The following EME2 variants were observed in gnomAD, a reference collection of about 807,000 sequenced individuals.
EME2 encodes essential meiotic structure-specific endonuclease subunit 2.
A neutral mutation model predicts 41.9 loss-of-function variants in EME2; 58 were observed. The ratio of observed to expected loss-of-function variants is 1.38; its 90% CI spans 1.12 to 1.72. EME2 has a LOEUF of 1.72. EME2 is among the 40% of genes most tolerant of loss of function. The probability of loss-of-function intolerance (pLI) is 0.00; values close to 1 mark genes in which losing one functional copy is unlikely to be tolerated. For missense variants in EME2, 695 were observed against 541.9 expected, an observed-to-expected ratio of 1.28 and a Z score of -2.81; for synonymous variants, 334 against 239.3, an observed-to-expected ratio of 1.40 and a Z score of -3.65.
In EME2 at chr16:1,780,882, GCCA is replaced by G; in HGVS notation, c.*4649_*4651del. ...TGAGTCGTTGGGACTACAGGCACGT[GCCA>G]CCACGCCTGACACATTTTTTAAATT... On this transcript the variant is annotated 3_prime_UTR_variant, in exon 8 of 8. Coordinates refer to ENST00000568449, the MANE Select transcript of EME2 (RefSeq NM_001257370.2). 1 of 329,878 alleles carries G rather than the reference GCCA, an allele frequency of 3.0e-6. No homozygotes were observed. The highest frequency in any genetic ancestry group is 2.4e-5 in the South Asian group (1 of 41,634). The allele number at this position is 329,878 out of a possible 1,614,324, so 20.4% of individuals were successfully genotyped here.
rs2042693742 is a variant in EME2, at chr16:1,775,305, C to T, written c.570-10C>T. On this transcript the variant is annotated splice_polypyrimidine_tract_variant and intron_variant, in intron 4 of 7. Transcript: ENST00000568449. The stretch of plus-strand genomic sequence containing the variant: ...ATGGGGAGCGGGGAGGAATGGTCAC[C>T]TCTGCTCAGGTCTCGCCAGCACGTT... The T allele has an allele frequency of 6.2e-7, 1 of 1,609,640 alleles. No homozygotes were observed. Among genetic ancestry groups the T allele is most frequent in the Non-Finnish European group, 8.5e-7 (1 of 1,179,906 alleles).
At chr16:1,775,180 T>C in intron 4 of EME2, 48 bp downstream of exon 4, 1 of 1,599,362 alleles carries the variant, frequency 6.3e-7, no homozygotes, top group Non-Finnish European at 8.6e-7. Context: ...GGACGGGGGT[T>C]CAGGGGAGGT....
rs191479216 is a variant in EME2 at position 1,776,667 on chromosome 16, T to C, written c.*429T>C. The C allele has an allele frequency of 9.9e-3, 2,785 of 280,808 alleles. 29 individuals are homozygous for C. Among genetic ancestry groups the C allele is most frequent in the Non-Finnish European group, 0.015 (2,244 of 148,378 alleles). 17.4% of individuals were successfully genotyped at this position (280,808 alleles called of 1,614,324 possible). A position where few individuals can be genotyped will look rare whatever the true frequency, so the allele number is the denominator to read the frequency against. On this transcript the variant is annotated 3_prime_UTR_variant, in exon 8 of 8. Transcript: ENST00000568449. ...AGGCCTGGGAGAAGGCCCAGGCTGC[T>C]CGCAAGCCCGGCCTCTGCACGGATA...
chr16:1,780,361 A>AC lies in EME2; in HGVS notation c.*4128dup, dbSNP rs1896669867. Reference sequence around the variant, plus strand: ...GACTGGGAAATCACCCCCCACAGGGACCCCCACCCCTCCCAGCCTCACTGC... The same window carrying AC: ...GACTGGGAAATCACCCCCCACAGGGACCCCCCACCCCTCCCAGCCTCACTGC... On this transcript the variant is annotated 3_prime_UTR_variant, in exon 8 of 8. Transcript: ENST00000568449. 1 of 139,392 alleles carries AC rather than the reference A, an allele frequency of 7.2e-6. No homozygotes were observed. Among genetic ancestry groups the AC allele is most frequent in the African/African-American group, 2.7e-5 (1 of 36,720 alleles). 8.6% of individuals were successfully genotyped at this position (139,392 alleles called of 1,614,324 possible). A position where few individuals can be genotyped will look rare whatever the true frequency, so the allele number is the denominator to read the frequency against.
chr16:1,778,270 C>T lies in EME2; in HGVS notation c.*2032C>T, dbSNP rs745349141. On this transcript the variant is annotated 3_prime_UTR_variant, in exon 8 of 8. Coordinates refer to ENST00000568449, the MANE Select transcript of EME2 (RefSeq NM_001257370.2). Reference sequence around the variant, plus strand: ...GAAGCTGACCTTACGGTTGTCACAGCTCAGCAGGGTGGCTGATGACTTATT... The same window carrying T: ...GAAGCTGACCTTACGGTTGTCACAGTTCAGCAGGGTGGCTGATGACTTATT... 6.2e-7 allele frequency: 1 copy of T among 1,612,894 alleles called. No individual in the cohort carries two copies. The highest frequency in any genetic ancestry group is 1.1e-5 in the South Asian group (1 of 91,086).
chr16:1,781,427 G>C lies in EME2; in HGVS notation c.*5189G>C. 6.2e-7 allele frequency: 1 copy of C among 1,612,838 alleles called. No individual in the cohort carries two copies. Among genetic ancestry groups the C allele is most frequent in the African/African-American group, 1.3e-5 (1 of 75,042 alleles). The stretch of plus-strand genomic sequence containing the variant: ...CCACGGCCCGGGCATCTGCGTCTCG[G>C]CGGGCTGCACTCAGGACGAAGTGCC... On this transcript the variant is annotated 3_prime_UTR_variant, in exon 8 of 8. Coordinates refer to ENST00000568449, the MANE Select transcript of EME2 (RefSeq NM_001257370.2).
Position 1,777,858 on chromosome 16 carries a change from TGTG to T in EME2, c.*1625_*1627del. On this transcript the variant is annotated 3_prime_UTR_variant, in exon 8 of 8. Transcript: ENST00000568449. The stretch of plus-strand genomic sequence containing the variant: ...GATGAGAAGCTGGTCTTGTCGCCCT[TGTG>T]GTGGAGGAGGCCTGGGGGCAGCCAG... 1 of 1,612,584 alleles carries T rather than the reference TGTG, an allele frequency of 6.2e-7. No homozygotes were observed. Among genetic ancestry groups the T allele is most frequent in the Non-Finnish European group, 8.5e-7 (1 of 1,179,820 alleles).
In EME2 at chr16:1,774,186, C is replaced by T. The variant is rs141044525; in HGVS notation, c.385-74C>T. The T allele has an allele frequency of 9.2e-3, 12,332 of 1,333,500 alleles. 74 individuals carry two copies. The highest frequency in any genetic ancestry group is 0.012 in the Non-Finnish European group (10,894 of 933,392). The allele number at this position is 1,333,500 out of a possible 1,614,324, so 82.6% of individuals were successfully genotyped here. On this transcript the variant is annotated intron_variant, in intron 2 of 7. Coordinates refer to ENST00000568449, the MANE Select transcript of EME2 (RefSeq NM_001257370.2). The stretch of plus-strand genomic sequence containing the variant: ...GCTGGGGCCACGAACCGCTTTGCTG[C>T]TGGACTGCCCAGGCAGGGCCCCTGG...
rs1287147739 is a variant in EME2, at chr16:1,774,282, C to T, written c.407C>T (p.Ala136Val). Residue 136 changes from alanine to valine, a missense_variant, in exon 3 of 8, where the codon GCA (alanine) becomes GTA (valine). Coordinates refer to ENST00000568449, the MANE Select transcript of EME2 (RefSeq NM_001257370.2). ...PRSLPPEVWA[A>V]GEQELLLLLE... is the part of the protein sequence containing the mutation. The stretch of plus-strand genomic sequence containing the variant: ...CAGCTGCCTCCTGAAGTGTGGGCTG[C>T]AGGTGAACAGGAATTGCTGCTGCTG... 9 of 1,612,734 alleles carry T rather than the reference C, an allele frequency of 5.6e-6. No individual in the cohort carries two copies. Among genetic ancestry groups the T allele is most frequent in the Non-Finnish European group, 5.9e-6 (7 of 1,179,910 alleles).
Position 1,775,315 on chromosome 16 carries a change from G to C in EME2, c.570G>C (p.Trp190Cys). 6.2e-7 allele frequency: 1 copy of C among 1,609,762 alleles called. No homozygotes were observed. Among genetic ancestry groups the C allele is most frequent in the African/African-American group, 1.3e-5 (1 of 75,068 alleles). The stretch of plus-strand genomic sequence containing the variant: ...GGGAGGAATGGTCACCTCTGCTCAG[G>C]TCTCGCCAGCACGTTTCCCGGGGGA... Reference protein sequence around the residue: ...LAVIGLDAYLWSRQHVSRGTQ... With the variant: ...LAVIGLDAYLCSRQHVSRGTQ... Residue 190 changes from tryptophan to cysteine, a missense_variant and splice_region_variant, in exon 5 of 8, where the codon TGG becomes TGC. By Grantham distance (215) the Trp-to-Cys change is radical. Coordinates refer to ENST00000568449, the MANE Select transcript of EME2 (RefSeq NM_001257370.2).
At position 1,781,471 on chromosome 16, in the gene EME2, G is replaced by A; in HGVS notation, c.*5233G>A. ...AAGTGCCAGGCCCTGCTGTTCCGGG[G>A]GCGTCTGGCCATGGTGGAAAGAATC... On this transcript the variant is annotated 3_prime_UTR_variant, in exon 8 of 8. Transcript: ENST00000568449. The A allele has an allele frequency of 1.2e-6, 2 of 1,612,546 alleles. No homozygotes were observed. The highest frequency in any genetic ancestry group is 8.5e-7 in the Non-Finnish European group (1 of 1,179,880).
chr16:1,778,418 C>A lies in EME2; in HGVS notation c.*2180C>A, dbSNP rs1268708150. ...GCCCGCAGTGCAGTCCCAGCAGGGG[C>A]TGGGCCCCACGCTCACACTCGTCTT... On this transcript the variant is annotated 3_prime_UTR_variant, in exon 8 of 8. Transcript: ENST00000568449. 1.9e-6 allele frequency: 3 copies of A among 1,605,848 alleles called. No individual in the cohort carries two copies. The highest frequency in any genetic ancestry group is 1.7e-6 in the Non-Finnish European group (2 of 1,176,224).
Position 1,773,021 on chromosome 16 carries a change from G to A in EME2, c.-207G>A. The A allele has an allele frequency of 6.9e-7, 1 of 1,452,070 alleles. No homozygotes were observed. The highest frequency in any genetic ancestry group is 1.4e-5 in the South Asian group (1 of 70,998). 89.9% of individuals were successfully genotyped at this position (1,452,070 alleles called of 1,614,324 possible). A position where few individuals can be genotyped will look rare whatever the true frequency, so the allele number is the denominator to read the frequency against. ...TCAAGGTCTCGTAGTCCACCGCGTA[G>A]AGCTGGGAGTCGCGCGGCCTGTTCA... On this transcript the variant is annotated 5_prime_UTR_variant, in exon 1 of 8. Transcript: ENST00000568449.
At chr16:1,775,709 G>A (rs1319497597) in intron 6 of EME2, 25 bp downstream of exon 6, 4 of 1,612,720 alleles carry the variant, frequency 2.5e-6, no homozygotes, top group Admixed American at 1.7e-5. Context: ...GGCTGAAGGG[G>A]GGCAGGATCA....
At position 1,775,327 on chromosome 16, in the gene EME2, C is replaced by T. The variant is rs1401022644; in HGVS notation, c.582C>T (p.His194=). ...GLDAYLWSRQ[H]VSRGTQQPES... is the part of the protein sequence containing the mutation. ...CACCTCTGCTCAGGTCTCGCCAGCA[C>T]GTTTCCCGGGGGACACAGCAGCCAG... The change falls in exon 5 of 8, where the codon CAC becomes CAT. Residue 194 remains histidine, a synonymous_variant. Coordinates refer to ENST00000568449, the MANE Select transcript of EME2 (RefSeq NM_001257370.2). The T allele has an allele frequency of 3.1e-6, 5 of 1,610,300 alleles. No homozygotes were observed. The highest frequency in any genetic ancestry group is 1.3e-5 in the African/African-American group (1 of 75,062).
intron 3 of EME2, 24 bp downstream of exon 3, chr16:1,774,376 C>T (rs747090177): frequency 6.3e-6 from 10 of 1,599,852 alleles, no homozygotes; most frequent in South Asian, 3.3e-5. Context: ...GGCAGTAGTC[C>T]CTCTCTAATC....
In EME2 at chr16:1,778,341, TG is replaced by T; in HGVS notation, c.*2107del. ...CGAAATCTGCAAGAGAGGCCCAGGC[TG>T]GGGCAGCCCTGAGAGCTCCATGGGG... is the stretch of plus-strand genomic sequence containing the variant. On this transcript the variant is annotated 3_prime_UTR_variant, in exon 8 of 8. Coordinates refer to ENST00000568449, the MANE Select transcript of EME2 (RefSeq NM_001257370.2). 1 of 1,611,600 alleles carries T rather than the reference TG, an allele frequency of 6.2e-7. No homozygotes were observed.
At chr16:1,775,263 C>T (rs370553621) in intron 4 of EME2, 52 bp from the exon 5 acceptor site, 35 of 1,602,170 alleles carry the variant, frequency 2.2e-5, no homozygotes, top group Middle Eastern at 1.6e-4. Context: ...AGGCCAAGCT[C>T]GGGCAGGGCA....
chr16:1,777,106 G>A lies in EME2; in HGVS notation c.*868G>A, dbSNP rs764019186. On this transcript the variant is annotated 3_prime_UTR_variant, in exon 8 of 8. Transcript: ENST00000568449. The stretch of plus-strand genomic sequence containing the variant: ...TCCACTGGGAAGTCAGTCAGGTCCG[G>A]CGGCAGCGCTTCCTCTGGCAGGGCC... 1 of 1,611,102 alleles carries A rather than the reference G, an allele frequency of 6.2e-7. No individual in the cohort carries two copies. The highest frequency in any genetic ancestry group is 8.5e-7 in the Non-Finnish European group (1 of 1,178,998).
Sources: gnomAD v4.1 joint callset for allele counts on GRCh38, gnomAD v4.1.1 for gene constraint, MANE v1.5 for transcripts, NCBI Gene and HGNC (gene_info 2026-07-23, HGNC 2026-07-21) for gene names.